MYO1A: variants seen among roughly 807,000 people sequenced by gnomAD.
MYO1A encodes unconventional myosin-Ia.
MYO1A carries 127 observed loss-of-function variants against 138.5 expected under a neutral mutation model. The observed-to-expected ratio is 0.92, with a 90% CI of 0.79 to 1.06. The LOEUF is 1.06. Ranked by LOEUF, MYO1A falls within the 50% of genes least tolerant of loss-of-function variation. The pLI, the probability that MYO1A is intolerant of heterozygous loss-of-function variation, is 0.00. For synonymous variants in MYO1A, 477 were observed against 497.5 expected (o/e 0.96, Z 0.55); for missense variants, 1,211 against 1,288.8 (o/e 0.94, Z 0.92).
intron 22 of MYO1A, among the ~76,000 whole-genome samples, chr12:57,035,204 G>A (rs984212492): frequency 2.0e-5 from 3 of 151,988 alleles, no homozygotes; most frequent in Admixed American, 6.6e-5. Context: ...GGAAGAAGAA[G>A]GGCAGTCAGG....
In MYO1A at chr12:57,043,289, G is replaced by A; in HGVS notation, c.962C>T (p.Thr321Ile). ...EEVERALCSR[T>I]METAKEKVVT... is the part of the protein sequence containing the mutation. ...CACCTTTTCCTTGGCTGTTTCCATGGTCCTCGAGCACAAAGCTCTCTCTAC... is the reference window on the plus strand; with the variant it reads ...CACCTTTTCCTTGGCTGTTTCCATGATCCTCGAGCACAAAGCTCTCTCTAC... The change falls in exon 11 of 28, where the codon ACC (threonine) becomes ATC (isoleucine). Residue 321 changes from threonine (T) to isoleucine (I), a missense_variant. Coordinates refer to ENST00000300119, the MANE Select transcript of MYO1A (RefSeq NM_005379.4). The A allele has an allele frequency of 2.5e-6, 4 of 1,614,106 alleles. No homozygotes were observed. Among genetic ancestry groups the A allele is most frequent in the Non-Finnish European group, 3.4e-6 (4 of 1,180,006 alleles).
At chr12:57,030,490 C>T (rs1037995194) in intron 23 of MYO1A, among the ~76,000 whole-genome samples, 174 bp from the exon 24 acceptor site, 6 of 152,050 alleles carry the variant, frequency 3.9e-5, no homozygotes, top group African/African-American at 1.2e-4. Context: ...AGGAGGAGTG[C>T]GAGAACTGAG....
At position 57,031,066 on chromosome 12, in the gene MYO1A, G is replaced by C; in HGVS notation, c.2458C>G (p.Leu820Val). The C allele has an allele frequency of 6.2e-7, 1 of 1,614,102 alleles. No individual in the cohort carries two copies. The highest frequency in any genetic ancestry group is 8.5e-7 in the Non-Finnish European group (1 of 1,180,008). The change falls in exon 23 of 28, where the codon CTG becomes GTG. Residue 820 changes from leucine (L) to valine (V), a missense_variant. Transcript: ENST00000300119. ...YKCLSTANQELQQLFYQWKCK... is the reference protein window; with the variant it reads ...YKCLSTANQEVQQLFYQWKCK... Reference sequence around the variant, plus strand: ...TTCCACTGGTAGAAGAGCTGCTGCAGCTCCTGATTTGCTGTGCTGAGGCAC... The same window carrying C: ...TTCCACTGGTAGAAGAGCTGCTGCACCTCCTGATTTGCTGTGCTGAGGCAC...
intron 1 of MYO1A, 27 bp from the exon 2 acceptor site, chr12:57,048,370 A>T: frequency 7.3e-7 from 1 of 1,376,816 alleles, no homozygotes; most frequent in Non-Finnish European, 1.0e-6. Context: ...CAGTTTGCTG[A>T]TGTCCACTCA....
At chr12:57,046,676 T>A (rs770461462) in intron 7 of MYO1A, 26 bp from the exon 8 acceptor site, 6 of 1,596,260 alleles carry the variant, frequency 3.8e-6, no homozygotes, top group Non-Finnish European at 5.2e-6. Flanking sequence ...AAAAATAATA[T>A]CCTGAGGGCC....
At position 57,028,662 on chromosome 12, in the gene MYO1A, G is replaced by C. The variant is rs1349067057; in HGVS notation, c.*93C>G. 3.2e-6 allele frequency: 5 copies of C among 1,538,724 alleles called. No individual in the cohort carries two copies. The highest frequency in any genetic ancestry group is 4.4e-6 in the Non-Finnish European group (5 of 1,127,112). ...ATCCCCAAGCCATGCGCCACGATCA[G>C]AGGGGTTAGAGATCCTCCCACACAG... On this transcript the variant is annotated 3_prime_UTR_variant, in exon 28 of 28. Transcript: ENST00000300119.
At chr12:57,031,227 C>T in intron 22 of MYO1A, 53 bp from the exon 23 acceptor site, 1 of 1,609,784 alleles carries the variant, frequency 6.2e-7, no homozygotes, top group Non-Finnish European at 8.5e-7. Context: ...CACTTCCTGA[C>T]AGGCAAACTG....
rs1178955692 is a variant in MYO1A, at chr12:57,043,219, C to T, written c.1011+21G>A. On this transcript the variant is annotated intron_variant, in intron 11 of 27. Coordinates refer to ENST00000300119, the MANE Select transcript of MYO1A (RefSeq NM_005379.4). ...CAGAACAGGGTCGAAACAGCCCCCT[C>T]CACTCCAGTGAGCTCCTTACCTGCA... The T allele has an allele frequency of 5.6e-6, 9 of 1,613,686 alleles. No homozygotes were observed. The Admixed American group carries it at 1.2e-4, about 21-fold the overall frequency.
intron 21 of MYO1A, 133 bp downstream of exon 21, chr12:57,036,639 C>T (rs1565642622): frequency 6.1e-6 from 7 of 1,153,856 alleles, no homozygotes; most frequent in Non-Finnish European, 7.8e-6. Flanking sequence ...AGACACCCAC[C>T]CACACATGGA....
intron 14 of MYO1A, among the ~76,000 whole-genome samples, chr12:57,039,770 G>A (rs1032133288): frequency 6.6e-6 from 1 of 152,192 alleles, no homozygotes; most frequent in Admixed American, 6.5e-5. Context: ...CTGGAGGGCT[G>A]TTAAAATACA....
rs1272347304 is a variant in MYO1A at position 57,038,653 on chromosome 12, C to A, written c.1534-15G>T. The A allele has an allele frequency of 1.2e-6, 2 of 1,614,002 alleles. No individual in the cohort carries two copies. Among genetic ancestry groups the A allele is most frequent in the Non-Finnish European group, 1.7e-6 (2 of 1,179,836 alleles). On this transcript the variant is annotated splice_polypyrimidine_tract_variant and intron_variant, in intron 16 of 27. Coordinates refer to ENST00000300119, the MANE Select transcript of MYO1A (RefSeq NM_005379.4). ...TTGTATGTCACCTGTAAAGGAGCAGCTATTGGTTTGGAGACCCCACAACCT... is the reference window on the plus strand; with the variant it reads ...TTGTATGTCACCTGTAAAGGAGCAGATATTGGTTTGGAGACCCCACAACCT...
intron 22 of MYO1A, among the ~76,000 whole-genome samples, chr12:57,033,073 G>A (rs2030364410): frequency 6.6e-6 from 1 of 151,992 alleles, no homozygotes; most frequent in Non-Finnish European, 1.5e-5. Flanking sequence ...TCCTAAAGTA[G>A]GTTATAGATA....
In MYO1A at chr12:57,047,857, G is replaced by C. The variant is rs1164166639; in HGVS notation, c.230+132C>G. 4 of 1,560,622 alleles carry C rather than the reference G, an allele frequency of 2.6e-6. No homozygotes were observed. The African/African-American group carries it at 5.4e-5, about 21-fold the overall frequency. On this transcript the variant is annotated intron_variant, in intron 3 of 27. Coordinates refer to ENST00000300119, the MANE Select transcript of MYO1A (RefSeq NM_005379.4). ...GGCAAGATGTGACAGGCCTTGGAAG[G>C]GGCCTCCAGAAGGCCAGGGAAGGAA...
At chr12:57,034,654 G>A (rs535373397) in intron 22 of MYO1A, among the ~76,000 whole-genome samples, 4 of 150,648 alleles carry the variant, frequency 2.7e-5, no homozygotes, top group African/African-American at 9.8e-5. Flanking sequence ...CAGCCTGGGC[G>A]AGAGAGCAAG....
At chr12:57,039,395 G>C (rs959283793) in intron 14 of MYO1A, 121 bp from the exon 15 acceptor site, 17 of 790,068 alleles carry the variant, frequency 2.2e-5, no homozygotes, top group Admixed American at 3.8e-5. Flanking sequence ...AGTTCACAGG[G>C]GTCCTTGGTA....
intron 21 of MYO1A, 104 bp from the exon 22 acceptor site, chr12:57,036,485 T>A (rs1378827992): frequency 5.9e-6 from 7 of 1,194,088 alleles, no homozygotes; most frequent in Non-Finnish European, 8.7e-6. Flanking sequence ...GATAAAGAGC[T>A]GAGACTGTAG....
rs763242307 is a variant in MYO1A, at chr12:57,043,864, T to C, written c.884A>G (p.Asp295Gly). The stretch of plus-strand genomic sequence containing the variant: ...CAGGCTGGGATGCAGACCTCTCCCA[T>C]CACGGATGCCACTTGCTGGTATCCC... ...ASGIPASGIR[D>G]GRGVREIGEM... The change falls in exon 10 of 28, where the codon GAT becomes GGT. Residue 295 changes from aspartate to glycine, a missense_variant. By Grantham distance (94) the Asp-to-Gly change is moderately conservative (BLOSUM62 -1). Transcript: ENST00000300119. The C allele has an allele frequency of 1.1e-5, 18 of 1,613,992 alleles. No homozygotes were observed. The highest frequency in any genetic ancestry group is 1.7e-4 in the Middle Eastern group (1 of 6,060).
intron 7 of MYO1A, 83 bp from the exon 8 acceptor site, chr12:57,046,733 C>A: frequency 1.4e-6 from 2 of 1,468,568 alleles, no homozygotes; most frequent in Non-Finnish European, 1.9e-6. Flanking sequence ...ATGCCCCCAT[C>A]GCCGGCATTC....
At chr12:57,041,339 T>C (rs1297752634) in intron 13 of MYO1A, 51 bp from the exon 14 acceptor site, 9 of 1,593,376 alleles carry the variant, frequency 5.6e-6, no homozygotes, top group Non-Finnish European at 7.7e-6. Context: ...TGTTTCTCCG[T>C]CTCAGTCCTA....
Sources: allele counts gnomAD v4.1 joint callset (sites outside exome capture counted in the v4.1 genomes callset), GRCh38; gene constraint gnomAD v4.1.1; transcripts MANE v1.5; gene names NCBI Gene and HGNC (gene_info 2026-07-23, HGNC 2026-07-21).